Variants in PAPOLG observed in about 807,000 individuals in gnomAD.
PAPOLG encodes PAP-gamma.
PAPOLG carries 40 observed loss-of-function variants against 99.0 expected under a neutral mutation model. That is an observed-to-expected ratio of 0.40 (90% CI 0.31 to 0.53). The LOEUF is 0.53. Among genes scored for constraint, PAPOLG ranks in the 20% least tolerant of loss-of-function variants. The pLI is 0.41. For missense variants in PAPOLG, 675 were observed against 884.1 expected, an observed-to-expected ratio of 0.76 and a Z score of 3.00; for synonymous variants, 310 against 299.3, an observed-to-expected ratio of 1.04 and a Z score of -0.37.
At chr2:60,782,101 A>G (rs1558702127) in intron 11 of PAPOLG, 96 bp downstream of exon 11, 2 of 1,226,244 alleles carry the variant, frequency 1.6e-6, no homozygotes, top group East Asian at 2.4e-5. Flanking sequence ...AGTTAGAGTT[A>G]TACCTATTCT....
intron 7 of PAPOLG, among the ~76,000 whole-genome samples, chr2:60,773,285 C>T (rs965035022): frequency 6.6e-6 from 1 of 152,180 alleles, no homozygotes; most frequent in Non-Finnish European, 1.5e-5. Context: ...CTCAAAAGAT[C>T]CTTTATACCC....
chr2:60,767,997 C>T (rs1460026524), intron 3 of PAPOLG, among the ~76,000 whole-genome samples: 1 of 152,218 alleles, frequency 6.6e-6, no homozygotes, highest in African/African-American at 2.4e-5. Context: ...CTTCAGATCA[C>T]AACCAGAGGA....
chr2:60,776,777 C>A (rs1296118522), intron 8 of PAPOLG, among the ~76,000 whole-genome samples: 1 of 152,148 alleles, frequency 6.6e-6, no homozygotes, highest in African/African-American at 2.4e-5. Flanking sequence ...AAGAGAATCA[C>A]CTACCCTTTG....
At chr2:60,761,651 C>A in intron 2 of PAPOLG, 90 bp from the exon 3 acceptor site, 1 of 1,094,696 alleles carries the variant, frequency 9.1e-7, no homozygotes, top group Non-Finnish European at 1.4e-6. Flanking sequence ...ACCCCAGCAT[C>A]AACACAAAGG....
At chr2:60,784,013 G>A (rs1327005711) in intron 13 of PAPOLG, among the ~76,000 whole-genome samples, 1 of 151,790 alleles carries the variant, frequency 6.6e-6, no homozygotes, top group Non-Finnish European at 1.5e-5. Context: ...TCGCTGTGTT[G>A]CTGAGGCTGG....
intron 11 of PAPOLG, 142 bp from the exon 12 acceptor site, chr2:60,782,544 G>T: frequency 7.8e-7 from 1 of 1,289,042 alleles, no homozygotes. Flanking sequence ...GTGACAGAGT[G>T]AGACTCTGTC....
intron 13 of PAPOLG, among the ~76,000 whole-genome samples, chr2:60,785,034 C>G (rs1198798318): frequency 6.6e-6 from 1 of 152,152 alleles, no homozygotes; most frequent in Non-Finnish European, 1.5e-5. Flanking sequence ...AGCAAGCTGC[C>G]ATCGGTCACA....
In PAPOLG at chr2:60,792,265, G is replaced by C; in HGVS notation, c.1655G>C (p.Ser552Thr). ...PFNSPASKSD[S>T]PSVGETERNS... ...AATTCTCCAGCGTCCAAGTCTGATA[G>C]CCCTTCTGTAGGAGAAACAGAAAGG... The change falls in exon 17 of 22, where the codon AGC (serine) becomes ACC (threonine). Residue 552 changes from serine (S) to threonine (T), a missense_variant. By Grantham distance (58) the Ser-to-Thr change is moderately conservative. Coordinates refer to ENST00000238714, the MANE Select transcript of PAPOLG (RefSeq NM_022894.4). The C allele has an allele frequency of 6.8e-6, 11 of 1,606,512 alleles. No homozygotes were observed. The highest frequency in any genetic ancestry group is 9.3e-6 in the Non-Finnish European group (11 of 1,178,246).
At chr2:60,768,660 C>T (rs934593942) in intron 4 of PAPOLG, 109 bp downstream of exon 4, 2 of 1,314,836 alleles carry the variant, frequency 1.5e-6, no homozygotes, top group Non-Finnish European at 2.1e-6. Flanking sequence ...TAGAGCTAAT[C>T]ATTGTTAACA....
At chr2:60,779,962 G>A (rs1671139554) in intron 9 of PAPOLG, among the ~76,000 whole-genome samples, 187 bp downstream of exon 9, 1 of 152,192 alleles carries the variant, frequency 6.6e-6, no homozygotes, top group African/African-American at 2.4e-5. Flanking sequence ...CCAGGGATTT[G>A]TAAATGTGGG....
At chr2:60,764,071 G>A (rs1670600171) in intron 3 of PAPOLG, among the ~76,000 whole-genome samples, 3 of 152,088 alleles carry the variant, frequency 2.0e-5, no homozygotes, top group Admixed American at 1.3e-4. Context: ...CCAGAGTGCT[G>A]GGATTACAGG....
In PAPOLG at chr2:60,798,346, TAAC is replaced by T. The variant is rs1671771597; in HGVS notation, c.*1187_*1189del. 1 of 152,810 alleles carries T rather than the reference TAAC, an allele frequency of 6.5e-6. No homozygotes were observed. The highest frequency in any genetic ancestry group is 1.5e-5 in the Non-Finnish European group (1 of 68,032). 9.5% of individuals were successfully genotyped at this position (152,810 alleles called of 1,614,324 possible). ...TGCATGCTCAGTTTATTAAAATCCA[TAAC>T]CATGTAATTCTTGTAATATGTTGAT... On this transcript the variant is annotated 3_prime_UTR_variant, in exon 22 of 22. Coordinates refer to ENST00000238714, the MANE Select transcript of PAPOLG (RefSeq NM_022894.4).
chr2:60,794,293 C>A, intron 19 of PAPOLG, 102 bp downstream of exon 19: 1 of 1,190,026 alleles, frequency 8.4e-7, no homozygotes. Flanking sequence ...TAGGAGTTGG[C>A]TGAAAAGAAT....
intron 8 of PAPOLG, among the ~76,000 whole-genome samples, chr2:60,775,810 G>A (rs914224385): frequency 6.6e-6 from 1 of 151,580 alleles, no homozygotes; most frequent in Non-Finnish European, 1.5e-5. Flanking sequence ...TGTCGCCAAG[G>A]CTGGAGTGCA....
intron 6 of PAPOLG, among the ~76,000 whole-genome samples, chr2:60,770,773 A>C (rs748015548): frequency 3.9e-5 from 6 of 151,960 alleles, no homozygotes; most frequent in African/African-American, 7.2e-5. Flanking sequence ...CCAGGCACAC[A>C]CCACCACACC....
intron 1 of PAPOLG, among the ~76,000 whole-genome samples, chr2:60,756,951 A>T (rs1332226317): frequency 6.6e-6 from 1 of 151,044 alleles, no homozygotes; most frequent in Non-Finnish European, 1.5e-5. Flanking sequence ...TCTCTTTCAT[A>T]TGAGGCTACA....
intron 15 of PAPOLG, among the ~76,000 whole-genome samples, chr2:60,787,880 C>A (rs13416936): frequency 6.6e-6 from 1 of 151,868 alleles, no homozygotes; most frequent in Admixed American, 6.6e-5. Context: ...GGTGAAACCC[C>A]GTCTCTACTA....
chr2:60,799,987 TC>T lies in PAPOLG; in HGVS notation c.*2828del, dbSNP rs1275104540. 1 of 152,436 alleles carries T rather than the reference TC, an allele frequency of 6.6e-6. No individual in the cohort carries two copies. The highest frequency in any genetic ancestry group is 6.5e-5 in the Admixed American group (1 of 15,288). The allele number at this position is 152,436 out of a possible 1,614,324, so 9.4% of individuals were successfully genotyped here. Reference sequence around the variant, plus strand: ...TATTTTATGAAGTCAAATAATCTGTTCTTCAGTATATAGACACATGTTCATT... The same window carrying T: ...TATTTTATGAAGTCAAATAATCTGTTTTCAGTATATAGACACATGTTCATT... On this transcript the variant is annotated 3_prime_UTR_variant, in exon 22 of 22. Coordinates refer to ENST00000238714, the MANE Select transcript of PAPOLG (RefSeq NM_022894.4).
At chr2:60,768,597 ACT>A (rs982100514) in intron 4 of PAPOLG, 46 bp downstream of exon 4, 2 of 1,463,464 alleles carry the variant, frequency 1.4e-6, no homozygotes, top group African/African-American at 1.4e-5. Flanking sequence ...TCAATAACAA[ACT>A]CTTCATAATT....
Sources: allele counts gnomAD v4.1 joint callset (sites outside exome capture counted in the v4.1 genomes callset), GRCh38; gene constraint gnomAD v4.1.1; transcripts MANE v1.5; gene names NCBI Gene and HGNC (gene_info 2026-07-23, HGNC 2026-07-21).